Variants in VWA3B observed in about 807,000 individuals in gnomAD.
The protein encoded by VWA3B is von Willebrand factor A domain containing 3B.
VWA3B carries 138 observed loss-of-function variants against 158.3 expected under a neutral mutation model. The observed-to-expected ratio is 0.87, with a 90% CI of 0.76 to 1.00. VWA3B has a LOEUF of 1.00. VWA3B is among the 50% of genes least tolerant of loss of function. The pLI, the probability that VWA3B is intolerant of heterozygous loss-of-function variation, is 0.00. For missense variants in VWA3B, 1,555 were observed against 1,565.1 expected (o/e 0.99, Z 0.11); for synonymous variants, 596 against 587.3 (o/e 1.01, Z -0.21).
chr2:98,115,756 A>G lies in VWA3B; in HGVS notation c.291+10A>G. ...TGGCAGAGTATACAATGTAAGTCAGAGTTCCCTCAATGCGCAGTCCTGTGA... is the reference window on the plus strand; with the variant it reads ...TGGCAGAGTATACAATGTAAGTCAGGGTTCCCTCAATGCGCAGTCCTGTGA... On this transcript the variant is annotated intron_variant, in intron 3 of 27. Transcript: ENST00000477737. The G allele has an allele frequency of 6.2e-7, 1 of 1,607,122 alleles. No individual in the cohort carries two copies. Among genetic ancestry groups the G allele is most frequent in the East Asian group, 2.2e-5 (1 of 44,832 alleles).
intron 7 of VWA3B, among the ~76,000 whole-genome samples, chr2:98,161,429 G>A (rs935202455): frequency 6.6e-6 from 1 of 152,174 alleles, no homozygotes; most frequent in Non-Finnish European, 1.5e-5. Flanking sequence ...CCATCAGGGG[G>A]TGTGCTTCTG....
intron 8 of VWA3B, among the ~76,000 whole-genome samples, chr2:98,170,756 G>T (rs745413768): frequency 1.3e-5 from 2 of 152,032 alleles, no homozygotes; most frequent in African/African-American, 4.8e-5. Context: ...ACAGGTGTGC[G>T]CCACCATGCC....
chr2:98,319,041 A>G, the VWA3B span, among the ~76,000 whole-genome samples: 1 of 152,248 alleles, frequency 6.6e-6, no homozygotes, highest in Non-Finnish European at 1.5e-5. Context: ...CCACAGATGA[A>G]GAACCTGAGG....
chr2:98,255,180 A>ATTTTTTTT (rs1302034902), intron 20 of VWA3B, among the ~76,000 whole-genome samples: 856 of 65,802 alleles, frequency 0.013, 95 homozygotes, highest in African/African-American at 0.053. Context: ...CGCCCGGCTG[A>ATTTTTTTT]TATTTTTTTT....
At chr2:98,211,478 G>A (rs1181315855) in intron 12 of VWA3B, among the ~76,000 whole-genome samples, 4 of 152,172 alleles carry the variant, frequency 2.6e-5, no homozygotes, top group African/African-American at 4.8e-5. Flanking sequence ...TGTTAGATAT[G>A]CCCACATGTA....
chr2:98,112,434 GT>G (rs375442348), intron 2 of VWA3B, among the ~76,000 whole-genome samples: 13 of 148,084 alleles, frequency 8.8e-5, no homozygotes, highest in Admixed American at 2.0e-4. Context: ...ACTGGTTGAA[GT>G]TTTTTTTTTC....
chr2:98,230,277 A>C (rs2105699241), intron 16 of VWA3B, 70 bp downstream of exon 16: 1 of 1,382,376 alleles, frequency 7.2e-7, no homozygotes, highest in African/African-American at 1.5e-5. Flanking sequence ...AATAAAACTA[A>C]ACCCACATAA....
chr2:98,197,211 C>G (rs769059598), intron 12 of VWA3B, among the ~76,000 whole-genome samples: 9 of 152,118 alleles, frequency 5.9e-5, no homozygotes, highest in Non-Finnish European at 1.3e-4. Flanking sequence ...TTGATTTTGT[C>G]TAATGTTTTC....
chr2:98,323,345 T>C, the VWA3B span, among the ~76,000 whole-genome samples: 1 of 151,952 alleles, frequency 6.6e-6, no homozygotes, highest in Non-Finnish European at 1.5e-5. Context: ...ATTATTGAAT[T>C]TGAATATAGA....
At chr2:98,204,837 C>T (rs574161324) in intron 12 of VWA3B, among the ~76,000 whole-genome samples, 48 of 152,258 alleles carry the variant, frequency 3.2e-4, no homozygotes, top group African/African-American at 1.1e-3. Context: ...CGGCCAGGCA[C>T]GGTAGGTCAC....
At chr2:98,227,874 T>G (rs1188568346) in intron 14 of VWA3B, among the ~76,000 whole-genome samples, 1 of 152,264 alleles carries the variant, frequency 6.6e-6, no homozygotes, top group Non-Finnish European at 1.5e-5. Flanking sequence ...AAATGGTGCA[T>G]TTTACAGATG....
At position 98,145,123 on chromosome 2, in the gene VWA3B, T is replaced by C. The variant is rs1194285217; in HGVS notation, c.988+11184T>C. 3.3e-5 allele frequency among the ~76,000 whole-genome samples: 5 copies of C among 152,232 alleles called. No individual in the cohort carries two copies. The East Asian group carries it at 5.8e-4, about 18-fold the overall frequency. On this transcript the variant is annotated intron_variant, in intron 7 of 27. Transcript: ENST00000477737. ...AGTCCATTAAGTGTTAGGATTTGTCTCAATGCTGGCTGCTGTGGTCGATTT... is the reference window on the plus strand; with the variant it reads ...AGTCCATTAAGTGTTAGGATTTGTCCCAATGCTGGCTGCTGTGGTCGATTT...
intron 9 of VWA3B, among the ~76,000 whole-genome samples, chr2:98,184,910 C>T (rs748511847): frequency 5.9e-5 from 9 of 152,238 alleles, no homozygotes; most frequent in Non-Finnish European, 1.0e-4. Context: ...TAAGCTCACC[C>T]TCGTCAGTCC....
At chr2:98,288,302 C>T (rs1689282439) in intron 22 of VWA3B, among the ~76,000 whole-genome samples, 3 of 152,188 alleles carry the variant, frequency 2.0e-5, no homozygotes, top group Admixed American at 2.0e-4. Flanking sequence ...TAGGTTTAGA[C>T]TGCAAGCTCT....
At chr2:98,265,512 G>A (rs62156747) in intron 21 of VWA3B, among the ~76,000 whole-genome samples, 5,793 of 151,798 alleles carry the variant, frequency 0.038, 159 homozygotes, top group Middle Eastern at 0.078. Context: ...ATACGTGTGC[G>A]TGTGTCTTTA....
intron 12 of VWA3B, among the ~76,000 whole-genome samples, chr2:98,210,243 T>C (rs979325422): frequency 2.0e-5 from 3 of 152,320 alleles, no homozygotes; most frequent in South Asian, 4.1e-4. Flanking sequence ...AGCATCCTTC[T>C]GTGGTTTCCT....
At chr2:98,113,143 G>C (rs973742108) in intron 2 of VWA3B, among the ~76,000 whole-genome samples, 2 of 151,714 alleles carry the variant, frequency 1.3e-5, no homozygotes, top group Non-Finnish European at 2.9e-5. Flanking sequence ...TTTCAGGGTA[G>C]GTTTTATTGA....
intron 6 of VWA3B, among the ~76,000 whole-genome samples, chr2:98,128,746 C>T (rs1032117726): frequency 2.0e-5 from 3 of 152,250 alleles, no homozygotes; most frequent in Non-Finnish European, 2.9e-5. Context: ...AATCCAGGCT[C>T]TCTCACTTAG....
At chr2:98,230,251 C>T in intron 16 of VWA3B, 44 bp downstream of exon 16, 1 of 1,476,416 alleles carries the variant, frequency 6.8e-7, no homozygotes, top group Non-Finnish European at 9.0e-7. Context: ...GGTTTCTCTT[C>T]AAGGCAAGAA....
Sources: gnomAD v4.1 joint callset for allele counts (sites outside exome capture counted in the v4.1 genomes callset) on GRCh38, gnomAD v4.1.1 for gene constraint, MANE v1.5 for transcripts, NCBI Gene and HGNC (gene_info 2026-07-23, HGNC 2026-07-21) for gene names.